The following MINDY4B variants were observed in gnomAD, a reference collection of about 807,000 sequenced individuals.
MINDY4B encodes the protein inactive ubiquitin carboxyl-terminal hydrolase MINDY-4B.
A neutral mutation model predicts 16.7 loss-of-function variants in MINDY4B; 25 were observed. The ratio of observed to expected loss-of-function variants is 1.49; its 90% CI spans 1.09 to 2.09. MINDY4B has a LOEUF of 2.09. MINDY4B is among the 30% of genes most tolerant of loss of function. The pLI is 0.00. For synonymous variants in MINDY4B, 132 were observed against 61.9 expected (o/e 2.13, Z -5.32); for missense variants, 327 against 168.4 (o/e 1.94, Z -5.21).
chr3:150,874,546 T>TAGACAC (rs1559963659), intron 10 of MINDY4B, among the ~76,000 whole-genome samples: 2 of 151,580 alleles, frequency 1.3e-5, no homozygotes, highest in African/African-American at 4.9e-5. Flanking sequence ...GAGATAAACA[T>TAGACAC]ATATATCTAC....
rs1178139696 is a variant in MINDY4B, at chr3:150,871,027, G to C, written c.*18C>G. On this transcript the variant is annotated 3_prime_UTR_variant, in exon 12 of 12. Transcript: ENST00000465419. ...CAGTTCTGACACTTCAGACTTCATT[G>C]CACAGCCTAGTTTCCCTTTAGAAGA... The C allele has an allele frequency of 1.4e-6, 1 of 701,530 alleles. No homozygotes were observed. Among genetic ancestry groups the C allele is most frequent in the Non-Finnish European group, 2.6e-6 (1 of 384,184 alleles). The allele number at this position is 701,530 out of a possible 1,614,324, so 43.5% of individuals were successfully genotyped here.
intron 3 of MINDY4B, among the ~76,000 whole-genome samples, chr3:150,894,861 G>C (rs1336329018): frequency 1.3e-5 from 2 of 152,170 alleles, no homozygotes; most frequent in Non-Finnish European, 1.5e-5. Flanking sequence ...CATTTAGCAT[G>C]TACTCGATCT....
intron 10 of MINDY4B, among the ~76,000 whole-genome samples, chr3:150,874,585 G>T (rs1051398614): frequency 5.9e-5 from 9 of 152,034 alleles, no homozygotes; most frequent in African/African-American, 2.2e-4. Flanking sequence ...TCCATGTGAC[G>T]CCAAGGAGAA....
chr3:150,889,721 T>C (rs950991168), intron 7 of MINDY4B, among the ~76,000 whole-genome samples: 2 of 152,216 alleles, frequency 1.3e-5, no homozygotes, highest in African/African-American at 4.8e-5. Flanking sequence ...GCTTTCACAT[T>C]GTAGGTTTCT....
At chr3:150,872,654 C>T (rs183944710) in intron 11 of MINDY4B, among the ~76,000 whole-genome samples, 193 of 152,332 alleles carry the variant, frequency 1.3e-3, no homozygotes, top group African/African-American at 4.4e-3. Flanking sequence ...CCAGGCAGAC[C>T]TGTGCCGCAT....
intron 7 of MINDY4B, among the ~76,000 whole-genome samples, chr3:150,889,466 AG>A (rs2107903984): frequency 1.3e-5 from 2 of 152,310 alleles, no homozygotes; most frequent in South Asian, 4.1e-4. Flanking sequence ...TGGGTCATCC[AG>A]GATCCTTCCC....
At chr3:150,880,662 C>T (rs1038730353) in intron 10 of MINDY4B, among the ~76,000 whole-genome samples, 5 of 152,144 alleles carry the variant, frequency 3.3e-5, no homozygotes, top group African/African-American at 1.2e-4. Flanking sequence ...TGTTTTAAGT[C>T]TTTCTAGTTT....
In MINDY4B at chr3:150,871,148, T is replaced by TGGGAAGAG. The variant is rs1716956578; in HGVS notation, c.1279_1280insCTCTTCCC (p.Glu427AlafsTer89). 4.3e-6 allele frequency: 3 copies of TGGGAAGAG among 702,872 alleles called. No individual in the cohort carries two copies. The East Asian group carries it at 8.0e-5, about 19-fold the overall frequency. The allele number at this position is 702,872 out of a possible 1,614,324, so 43.5% of individuals were successfully genotyped here. On this transcript the variant is annotated frameshift_variant, in exon 12 of 12. Transcript: ENST00000465419. LOFTEE classifies it high-confidence loss of function. ...AAACCGTCGTCTTGGTCCATGTTTC[T>TGGGAAGAG]CTTCCTGTTGGTCTCTTTCCCAGTG...
At chr3:150,896,488 C>G (rs559670020) in intron 3 of MINDY4B, among the ~76,000 whole-genome samples, 1 of 152,052 alleles carries the variant, frequency 6.6e-6, no homozygotes, top group Admixed American at 6.6e-5. Flanking sequence ...AGTTGGTTTT[C>G]TTGTTCTTTC....
At chr3:150,897,393 A>G (rs1712004330) in intron 3 of MINDY4B, among the ~76,000 whole-genome samples, 1 of 150,530 alleles carries the variant, frequency 6.6e-6, no homozygotes, top group Non-Finnish European at 1.5e-5. Flanking sequence ...GAAGAAGAGT[A>G]GAAGCTCAGA....
intron 7 of MINDY4B, among the ~76,000 whole-genome samples, chr3:150,888,499 G>C (rs1171876705): frequency 6.6e-6 from 1 of 152,152 alleles, no homozygotes; most frequent in Non-Finnish European, 1.5e-5. Flanking sequence ...TCCATCTTGA[G>C]ATCTCTGCCA....
chr3:150,894,811 G>GA (rs1173910557), intron 3 of MINDY4B, among the ~76,000 whole-genome samples: 2 of 151,828 alleles, frequency 1.3e-5, no homozygotes, highest in Admixed American at 6.5e-5. Flanking sequence ...CCAAATGTAT[G>GA]AAAAAAAGGG....
chr3:150,898,769 A>G (rs1712039637), intron 3 of MINDY4B, among the ~76,000 whole-genome samples: 1 of 152,166 alleles, frequency 6.6e-6, no homozygotes, highest in African/African-American at 2.4e-5. Flanking sequence ...GATGACAGTG[A>G]TGGTGATCAT....
At chr3:150,900,307 G>A (rs1027274421) in intron 3 of MINDY4B, among the ~76,000 whole-genome samples, 4 of 152,212 alleles carry the variant, frequency 2.6e-5, no homozygotes, top group African/African-American at 9.7e-5. Context: ...TTTCAGAGAA[G>A]ATTCCCAGCA....
At chr3:150,885,283 A>T (rs1238129629) in intron 8 of MINDY4B, 85 bp downstream of exon 8, 2 of 660,372 alleles carry the variant, frequency 3.0e-6, no homozygotes, top group Non-Finnish European at 5.5e-6. Context: ...TGTTTCCAAT[A>T]TGGAGATTTT....
intron 3 of MINDY4B, 56 bp from the exon 4 acceptor site, chr3:150,894,361 C>G (rs1711903970): frequency 1.6e-6 from 1 of 637,294 alleles, no homozygotes; most frequent in Admixed American, 2.7e-5. Context: ...TAGACATATT[C>G]CTCATGGTGG....
At chr3:150,877,776 C>A (rs1711498978) in intron 10 of MINDY4B, among the ~76,000 whole-genome samples, 1 of 152,044 alleles carries the variant, frequency 6.6e-6, no homozygotes, top group Admixed American at 6.5e-5. Context: ...TTAAATGTTA[C>A]CAACACGAGT....
chr3:150,901,145 A>G (rs1712105387), intron 3 of MINDY4B: 1 of 152,282 alleles, frequency 6.6e-6, no homozygotes. Flanking sequence ...CATTCTCTAA[A>G]GAAATTCATT....
intron 3 of MINDY4B, among the ~76,000 whole-genome samples, chr3:150,900,608 C>T (rs1712091392): frequency 1.3e-5 from 2 of 151,966 alleles, no homozygotes; most frequent in Non-Finnish European, 1.5e-5. Flanking sequence ...ATCATCTGGC[C>T]CATATAATGG....
Sources: gnomAD v4.1 joint callset for allele counts (sites outside exome capture counted in the v4.1 genomes callset) on GRCh38, gnomAD v4.1.1 for gene constraint, MANE v1.5 for transcripts, NCBI Gene and HGNC (gene_info 2026-07-23, HGNC 2026-07-21) for gene names.